The following PTPRN2 variants were observed in gnomAD, a reference collection of about 807,000 sequenced individuals.
PTPRN2 encodes protein tyrosine phosphatase receptor type N2.
A neutral mutation model predicts 118.8 loss-of-function variants in PTPRN2; 74 were observed. The observed-to-expected ratio is 0.62, with a 90% CI of 0.52 to 0.76. The LOEUF is 0.76. PTPRN2 is among the 30% of genes least tolerant of loss of function. The pLI is 0.00. For missense variants in PTPRN2, 1,481 were observed against 1,394.4 expected (o/e 1.06, Z -0.99); for synonymous variants, 641 against 608.0 (o/e 1.05, Z -0.80).
chr7:157,964,181 T>C lies in PTPRN2; in HGVS notation c.1724-65444A>G, dbSNP rs1348457551. ...ATGGGGACAGCTGGGTGGGGTAGTG[T>C]TGAGTTCTGGTCCTGGTCCCACCGA... is the stretch of plus-strand genomic sequence containing the variant. On this transcript the variant is annotated intron_variant, in intron 11 of 22. Transcript: ENST00000389418. The surrounding 1 kb of genome is among the most constrained non-coding windows in gnomAD (Gnocchi z 9.0). Among the ~76,000 whole-genome samples, 1 of 152,112 alleles carries C rather than the reference T, an allele frequency of 6.6e-6. No homozygotes were observed. The highest frequency in any genetic ancestry group is 1.5e-5 in the Non-Finnish European group (1 of 68,010).
intron 13 of PTPRN2, among the ~76,000 whole-genome samples, chr7:157,672,904 C>T (rs1796485067): frequency 6.6e-6 from 1 of 152,314 alleles, no homozygotes; most frequent in Non-Finnish European, 1.5e-5. Context: ...GTCACTGTAC[C>T]TGGAGGCGCA....
chr7:157,760,651 C>T (rs1802074784), intron 12 of PTPRN2, among the ~76,000 whole-genome samples: 1 of 152,148 alleles, frequency 6.6e-6, no homozygotes, highest in South Asian at 2.1e-4. Flanking sequence ...CATTGCTATT[C>T]AGCGGTCACA....
chr7:157,568,857 A>C, intron 21 of PTPRN2, 45 bp downstream of exon 21: 1 of 1,520,910 alleles, frequency 6.6e-7, no homozygotes, highest in Non-Finnish European at 9.1e-7. Flanking sequence ...TAGCGACGCC[A>C]TCCCAGCTCT....
chr7:157,910,609 A>G (rs577129287), intron 11 of PTPRN2, among the ~76,000 whole-genome samples: 36 of 152,334 alleles, frequency 2.4e-4, no homozygotes, highest in Non-Finnish European at 4.4e-4. Flanking sequence ...TCTTTCCCAC[A>G]TGGTGTGGTG....
chr7:158,257,663 C>T (rs1797118167), intron 3 of PTPRN2, among the ~76,000 whole-genome samples: 1 of 152,228 alleles, frequency 6.6e-6, no homozygotes, highest in African/African-American at 2.4e-5. Flanking sequence ...TGGGTCTCAC[C>T]CACTGTACAA....
At chr7:158,477,767 C>A (rs929749434) in intron 2 of PTPRN2, among the ~76,000 whole-genome samples, 1 of 152,244 alleles carries the variant, frequency 6.6e-6, no homozygotes, top group Non-Finnish European at 1.5e-5. Flanking sequence ...ACCCACCCCT[C>A]ACCCCAGGTT....
intron 2 of PTPRN2, among the ~76,000 whole-genome samples, chr7:158,476,918 G>A (rs548241346): frequency 1.3e-5 from 2 of 152,356 alleles, no homozygotes; most frequent in African/African-American, 4.8e-5. Context: ...TCACATGTGT[G>A]TGAGACCCAA....
chr7:158,245,681 G>A (rs755843013), intron 3 of PTPRN2, among the ~76,000 whole-genome samples: 6 of 152,156 alleles, frequency 3.9e-5, no homozygotes, highest in Non-Finnish European at 8.8e-5. Context: ...ATGGATGGGA[G>A]CTGCCTTCTA....
At chr7:158,097,616 C>G (rs1263333188) in intron 10 of PTPRN2, among the ~76,000 whole-genome samples, 1 of 152,184 alleles carries the variant, frequency 6.6e-6, no homozygotes, top group South Asian at 2.1e-4. Context: ...TCCTTTTTCC[C>G]AGGAGCACTG....
rs1802816729 is a variant in PTPRN2 at position 157,977,162 on chromosome 7, A to G, written c.1724-78425T>C. Among the ~76,000 whole-genome samples the G allele has an allele frequency of 6.6e-6, 1 of 151,936 alleles. No individual in the cohort carries two copies. On this transcript the variant is annotated intron_variant, in intron 11 of 22. Coordinates refer to ENST00000389418, the MANE Select transcript of PTPRN2 (RefSeq NM_002847.5). The surrounding 1 kb of genome is among the most constrained non-coding windows in gnomAD (Gnocchi z 4.6). ...TGATTAACGAAATGCATATTCATTA[A>G]GCACACCTGTAGAGAGCCTATTGCG...
At chr7:157,947,017 T>A (rs1800529541) in intron 11 of PTPRN2, among the ~76,000 whole-genome samples, 4 of 152,120 alleles carry the variant, frequency 2.6e-5, no homozygotes, top group Admixed American at 2.6e-4. Context: ...CTGCCCTGGG[T>A]GTGGGCTAGT....
chr7:157,562,552 C>A (rs977481882), intron 21 of PTPRN2, among the ~76,000 whole-genome samples: 1 of 152,194 alleles, frequency 6.6e-6, no homozygotes, highest in East Asian at 1.9e-4. Flanking sequence ...TGGAACAAGG[C>A]GGCTCTGGAG....
At chr7:158,550,220 C>T (rs1421328154) in intron 1 of PTPRN2, among the ~76,000 whole-genome samples, 2 of 152,220 alleles carry the variant, frequency 1.3e-5, no homozygotes, top group Admixed American at 1.3e-4. Context: ...GCTGAGCCCA[C>T]GTCCCGATAG....
At chr7:158,194,417 A>C (rs953787322) in intron 4 of PTPRN2, among the ~76,000 whole-genome samples, 46 of 152,360 alleles carry the variant, frequency 3.0e-4, no homozygotes, top group African/African-American at 1.1e-3. Flanking sequence ...CCCACAGACA[A>C]GGGCAGGGCC....
intron 6 of PTPRN2, among the ~76,000 whole-genome samples, chr7:158,155,577 C>CCATCAGCACTAT (rs1821676951): frequency 2.1e-4 from 2 of 9,642 alleles, no homozygotes; most frequent in Middle Eastern, 0.05. Flanking sequence ...GCCATCATCA[C>CCATCAGCACTAT]CATCACCATC....
intron 3 of PTPRN2, among the ~76,000 whole-genome samples, chr7:158,313,186 C>A (rs1374630069): frequency 6.6e-6 from 1 of 152,114 alleles, no homozygotes; most frequent in African/African-American, 2.4e-5. Context: ...GCAGCATGCC[C>A]ACCTTCCAGA....
chr7:157,817,981 T>C (rs1806530589), intron 12 of PTPRN2, among the ~76,000 whole-genome samples: 1 of 151,962 alleles, frequency 6.6e-6, no homozygotes, highest in Admixed American at 6.6e-5. Flanking sequence ...TTTGTACATG[T>C]GTGATATATG....
At chr7:158,325,693 G>A (rs988059260) in intron 2 of PTPRN2, among the ~76,000 whole-genome samples, 11 of 152,294 alleles carry the variant, frequency 7.2e-5, no homozygotes, top group South Asian at 6.2e-4. Context: ...GCTGTATTCC[G>A]ACAAGAAGGG....
intron 5 of PTPRN2, among the ~76,000 whole-genome samples, chr7:158,176,833 G>A (rs1005523736): frequency 2.0e-5 from 3 of 152,370 alleles, no homozygotes; most frequent in Non-Finnish European, 2.9e-5. Context: ...AATGGACATC[G>A]TGAATGTGGC....
Sources: allele counts gnomAD v4.1 joint callset (sites outside exome capture counted in the v4.1 genomes callset), GRCh38; gene constraint gnomAD v4.1.1; non-coding constraint Gnocchi (gnomAD v3.1); transcripts MANE v1.5; gene names NCBI Gene and HGNC (gene_info 2026-07-23, HGNC 2026-07-21).